The following FGF8 variants were observed in gnomAD, a reference collection of about 807,000 sequenced individuals.
FGF8 encodes androgen-induced growth factor.
Under a neutral mutation model 29.7 loss-of-function variants are expected in FGF8, and 12 were observed. The observed-to-expected ratio is 0.40, with a 90% confidence interval of 0.26 to 0.65. The LOEUF (loss-of-function observed/expected upper bound fraction) is 0.65. FGF8 is among the 30% of genes least tolerant of loss of function. The pLI is 0.37. For synonymous variants in FGF8, 157 were observed against 144.4 expected, an observed-to-expected ratio of 1.09 and a Z score of -0.63; for missense variants, 271 against 345.1, an observed-to-expected ratio of 0.79 and a Z score of 1.70.
upstream of FGF8, chr10:101,780,286 A>C (rs564782681): frequency 1.3e-5 from 2 of 152,440 alleles, no homozygotes; most frequent in East Asian, 3.9e-4. Flanking sequence ...CTGGACCCCT[A>C]GTTCCTCACC....
chr10:101,776,521 C>A (rs2065097010), upstream of FGF8, among the ~76,000 whole-genome samples: 1 of 151,836 alleles, frequency 6.6e-6, no homozygotes, highest in Non-Finnish European at 1.5e-5. Flanking sequence ...CTTCCCCGAC[C>A]GCCTGGAGCG....
chr10:101,774,854 G>C lies in FGF8; in HGVS notation c.215C>G (p.Thr72Arg). The C allele has an allele frequency of 2.5e-6, 4 of 1,613,964 alleles. No homozygotes were observed. The highest frequency in any genetic ancestry group is 3.4e-6 in the Non-Finnish European group (4 of 1,180,022). The change falls in exon 4 of 6, where the codon ACG (threonine) becomes AGG (arginine). Residue 72 changes from threonine to arginine, a missense_variant. Transcript: ENST00000320185. The part of the protein sequence containing the change: ...TQHVREQSLV[T>R]DQLSRRLIRT... ...GATGAGGCGGCGGCTGAGCTGATCC[G>C]TCACCAGGCTCTGCTCCCTCACATG... is the stretch of plus-strand genomic sequence containing the variant.
chr10:101,778,140 A>G (rs1215736246), upstream of FGF8, among the ~76,000 whole-genome samples: 1 of 152,260 alleles, frequency 6.6e-6, no homozygotes, highest in African/African-American at 2.4e-5. Flanking sequence ...CCTTGTACAC[A>G]GTAGGCCCTC....
chr10:101,773,489 T>C (rs2065050183), intron 4 of FGF8, among the ~76,000 whole-genome samples: 1 of 129,240 alleles, frequency 7.7e-6, no homozygotes, highest in Admixed American at 8.3e-5. Context: ...CCCATGTCGG[T>C]TGAATCTGCT....
intron 5 of FGF8, among the ~76,000 whole-genome samples, chr10:101,770,916 G>A (rs753133987): frequency 6.6e-6 from 1 of 152,092 alleles, no homozygotes; most frequent in Non-Finnish European, 1.5e-5. Context: ...CTGCCCACCA[G>A]TCTGGCCACC....
At chr10:101,777,070 G>T (rs1299000603), upstream of FGF8, among the ~76,000 whole-genome samples, 5 of 152,126 alleles carry the variant, frequency 3.3e-5, no homozygotes, top group Non-Finnish European at 7.4e-5. Context: ...CCCCCTCAAA[G>T]CCCCACTCGT....
In FGF8 at chr10:101,775,203, C is replaced by G; in HGVS notation, c.83G>C (p.Arg28Thr). The G allele has an allele frequency of 6.5e-7, 1 of 1,547,676 alleles. No individual in the cohort carries two copies. ...LCLQAQEGPG[R>T]GPALGRELAS... ...GAGCTCCCTGCCCAGCGCAGGGCCC[C>G]TGCCCGGGCCTTCCTAGAGGAGCAG... is the stretch of plus-strand genomic sequence containing the variant. Residue 28 changes from arginine to threonine, a missense_variant, in exon 3 of 6, where the codon AGG (arginine) becomes ACG (threonine). Physicochemically the swap from Arg to Thr is moderately conservative, Grantham distance 71. Around this residue, in one of 3 missense-constraint regions of FGF8, gnomAD observed 168 missense variants for 207.0 expected, o/e 0.81. Transcript: ENST00000320185. The surrounding 1 kb of genome is among the most constrained non-coding windows in gnomAD (Gnocchi z 4.6).
At chr10:101,773,931 C>T (rs541443237) in intron 4 of FGF8, among the ~76,000 whole-genome samples, 75 of 152,214 alleles carry the variant, frequency 4.9e-4, no homozygotes, top group Admixed American at 5.2e-4. Context: ...CTTAAAATGC[C>T]TCACCTTTTT....
At chr10:101,779,185 C>G (rs573744925), upstream of FGF8, among the ~76,000 whole-genome samples, 1 of 152,342 alleles carries the variant, frequency 6.6e-6, no homozygotes, top group African/African-American at 2.4e-5. This position sits in a 1 kb window ranked among gnomAD's most constrained non-coding sequence, Gnocchi z 5.7. Flanking sequence ...CCACACCCGC[C>G]GGAGACCGCA....
chr10:101,774,209 G>A (rs1309342652), intron 4 of FGF8, among the ~76,000 whole-genome samples: 1 of 152,192 alleles, frequency 6.6e-6, no homozygotes, highest in African/African-American at 2.4e-5. Flanking sequence ...CGGGAGCCCT[G>A]CCCCAGCCGC....
upstream of FGF8, among the ~76,000 whole-genome samples, chr10:101,779,283 C>CGTTAAG (rs1462994160): frequency 6.6e-6 from 1 of 152,218 alleles, no homozygotes; most frequent in African/African-American, 2.4e-5. The surrounding 1 kb of genome is among the most constrained non-coding windows in gnomAD (Gnocchi z 5.7). Flanking sequence ...GCCGAGACTA[C>CGTTAAG]GTTAAGCACT....
upstream of FGF8, among the ~76,000 whole-genome samples, chr10:101,779,082 C>T (rs1394725401): frequency 6.6e-6 from 1 of 152,066 alleles, no homozygotes; most frequent in Admixed American, 6.6e-5. This position sits in a 1 kb window ranked among gnomAD's most constrained non-coding sequence, Gnocchi z 5.7. Flanking sequence ...GGCCCATCTC[C>T]GCAGACACGC....
chr10:101,770,654 G>GCCCC, intron 5 of FGF8, 35 bp from the exon 6 acceptor site: 2 of 1,601,224 alleles, frequency 1.2e-6, no homozygotes, highest in Non-Finnish European at 1.7e-6. Context: ...ACGTTACAGA[G>GCCCC]CCCCCCCAGC....
upstream of FGF8, among the ~76,000 whole-genome samples, chr10:101,776,883 C>T (rs1470005653): frequency 2.6e-5 from 4 of 151,176 alleles, no homozygotes; most frequent in African/African-American, 7.3e-5. Context: ...CACACACACA[C>T]ACACACACAC....
At chr10:101,779,651 G>C (rs1486573263), upstream of FGF8, among the ~76,000 whole-genome samples, 1 of 149,548 alleles carries the variant, frequency 6.7e-6, no homozygotes, top group Non-Finnish European at 1.5e-5. This position sits in a 1 kb window ranked among gnomAD's most constrained non-coding sequence, Gnocchi z 5.7. Context: ...TGCAAGGAGC[G>C]ATCAGTGGCA....
In FGF8 at chr10:101,772,752, G is replaced by C. The variant is rs2065041774; in HGVS notation, c.338-1183C>G. On this transcript the variant is annotated intron_variant, in intron 4 of 5. Transcript: ENST00000320185. This position sits in a 1 kb window ranked among gnomAD's most constrained non-coding sequence, Gnocchi z 4.4. ...CAAGTCAGTCATCACTGCTCAGCTTGTAATGTTCCCCGCTTCACACAGGCT... is the reference window on the plus strand; with the variant it reads ...CAAGTCAGTCATCACTGCTCAGCTTCTAATGTTCCCCGCTTCACACAGGCT... Among the ~76,000 whole-genome samples, 1 of 152,282 alleles carries C rather than the reference G, an allele frequency of 6.6e-6. No individual in the cohort carries two copies. The highest frequency in any genetic ancestry group is 1.9e-4 in the East Asian group (1 of 5,180).
Position 101,775,323 on chromosome 10 carries a change from A to G in FGF8, c.70-107T>C. 1.2e-6 allele frequency: 1 copy of G among 824,858 alleles called. No individual in the cohort carries two copies. Among genetic ancestry groups the G allele is most frequent in the South Asian group, 1.5e-5 (1 of 67,282 alleles). 51.1% of individuals were successfully genotyped at this position (824,858 alleles called of 1,614,324 possible). ...TGTTGAGAGTGCAGGGAACCTGGGC[A>G]CCCGATCATTGGGCCAAATCGGCCA... On this transcript the variant is annotated intron_variant, in intron 2 of 5. Transcript: ENST00000320185. This position sits in a 1 kb window ranked among gnomAD's most constrained non-coding sequence, Gnocchi z 4.6.
chr10:101,775,543 C>T lies in FGF8; in HGVS notation c.69+197G>A, dbSNP rs1006481789. 3.2e-5 allele frequency: 20 copies of T among 629,472 alleles called. No homozygotes were observed. Among genetic ancestry groups the T allele is most frequent in the Non-Finnish European group, 5.5e-5 (20 of 361,722 alleles). The allele number at this position is 629,472 out of a possible 1,614,324, so 39.0% of individuals were successfully genotyped here. A position where few individuals can be genotyped will look rare whatever the true frequency, so the allele number is the denominator to read the frequency against. On this transcript the variant is annotated intron_variant, in intron 2 of 5. Transcript: ENST00000320185. The surrounding 1 kb of genome is among the most constrained non-coding windows in gnomAD (Gnocchi z 4.6). ...TTCGTTTCTATCCTGGCCACTCACT[C>T]GCTGTGTGACCTCAGGAGGGGTGCT...
chr10:101,772,172 C>A lies in FGF8; in HGVS notation c.338-603G>T, dbSNP rs567518650. ...GAAGGTGCTAGGGATGGGGACAGCT[C>A]TCCCTAAACACACAGCCCAAAGCAG... On this transcript the variant is annotated intron_variant, in intron 4 of 5. Coordinates refer to ENST00000320185, the MANE Select transcript of FGF8 (RefSeq NM_033163.5). The surrounding 1 kb of genome is among the most constrained non-coding windows in gnomAD (Gnocchi z 4.4). 6.6e-6 allele frequency among the ~76,000 whole-genome samples: 1 copy of A among 152,372 alleles called. No homozygotes were observed. The highest frequency in any genetic ancestry group is 2.4e-5 in the African/African-American group (1 of 41,592).
Sources: allele counts gnomAD v4.1 joint callset (sites outside exome capture counted in the v4.1 genomes callset), GRCh38; gene constraint gnomAD v4.1.1; regional missense constraint gnomAD v4.1.1; non-coding constraint Gnocchi (gnomAD v3.1); transcripts MANE v1.5; gene names NCBI Gene and HGNC (gene_info 2026-07-23, HGNC 2026-07-21).